The following FSTL5 variants were observed in gnomAD, a reference collection of about 807,000 sequenced individuals.
FSTL5 encodes follistatin like 5.
Under a neutral mutation model 89.1 loss-of-function variants are expected in FSTL5, and 62 were observed. The observed-to-expected ratio is 0.70, with a 90% CI of 0.57 to 0.86. FSTL5 has a LOEUF of 0.86. Among genes scored for constraint, FSTL5 ranks in the 40% least tolerant of loss-of-function variants. FSTL5 has a pLI of 0.00. For synonymous variants in FSTL5, 383 were observed against 346.2 expected (o/e 1.11, Z -1.18); for missense variants, 1,057 against 1,001.6 (o/e 1.06, Z -0.75).
rs566494612 is a variant in FSTL5, at chr4:161,500,520, A to G, written c.1340-386T>C. On this transcript the variant is annotated intron_variant, in intron 11 of 15. Transcript: ENST00000306100. ...TCAAATTTGTTTTACTACTTTTATT[A>G]GAGTTCACTAGGAAAAGTTTAATTT... is the stretch of plus-strand genomic sequence containing the variant. Among the ~76,000 whole-genome samples the G allele has an allele frequency of 2.0e-5, 3 of 152,314 alleles. No homozygotes were observed. In the East Asian group the frequency reaches 5.8e-4, roughly 29 times the overall value.
chr4:161,725,869 CATTACTTTTAACGACAAAAGGTTTTTGCT>C (rs1739381557), intron 6 of FSTL5, among the ~76,000 whole-genome samples: 1 of 152,152 alleles, frequency 6.6e-6, no homozygotes, highest in South Asian at 2.1e-4. Flanking sequence ...CGGTTTTTGC[CATTACTTTTAACGACAAAAGGTTTTTGCT>C]ATTACTTTTA....
intron 6 of FSTL5, among the ~76,000 whole-genome samples, chr4:161,736,793 G>A (rs1739832011): frequency 6.6e-6 from 1 of 152,190 alleles, no homozygotes; most frequent in South Asian, 2.1e-4. Flanking sequence ...ACTTGCAGAA[G>A]ATGTCTGTGG....
chr4:161,658,330 A>G (rs1736591178), intron 6 of FSTL5, among the ~76,000 whole-genome samples: 2 of 151,996 alleles, frequency 1.3e-5, no homozygotes, highest in African/African-American at 2.4e-5. Flanking sequence ...ATTGTGGCTC[A>G]CGCCTGTAGT....
chr4:161,785,327 G>A (rs147748213), intron 4 of FSTL5, among the ~76,000 whole-genome samples: 9 of 152,258 alleles, frequency 5.9e-5, no homozygotes, highest in South Asian at 2.1e-4. Flanking sequence ...AGGACAGCCT[G>A]CCTACATGTA....
intron 6 of FSTL5, among the ~76,000 whole-genome samples, chr4:161,692,931 CCAGGAAGGTCT>C (rs1391265003): frequency 6.6e-6 from 1 of 152,042 alleles, no homozygotes; most frequent in Non-Finnish European, 1.5e-5. Context: ...ACCATGCTGG[CCAGGAAGGTCT>C]CAATCTCCTG....
At chr4:161,986,925 A>G (rs1735979171) in intron 3 of FSTL5, among the ~76,000 whole-genome samples, 1 of 152,152 alleles carries the variant, frequency 6.6e-6, no homozygotes, top group South Asian at 2.1e-4. Flanking sequence ...AACCTTGAAA[A>G]CTAAATCCTA....
At chr4:161,438,703 A>AC (rs1305348387) in intron 15 of FSTL5, among the ~76,000 whole-genome samples, 1 of 152,212 alleles carries the variant, frequency 6.6e-6, no homozygotes, top group Admixed American at 6.5e-5. Context: ...ATTCAAAATT[A>AC]AAATTAAATT....
intron 10 of FSTL5, among the ~76,000 whole-genome samples, chr4:161,519,456 G>A (rs1730948481): frequency 6.6e-6 from 1 of 152,150 alleles, no homozygotes; most frequent in Admixed American, 6.5e-5. Flanking sequence ...AACCCGGGAG[G>A]TGGAGCTTGC....
intron 7 of FSTL5, among the ~76,000 whole-genome samples, chr4:161,652,683 A>G (rs190284277): frequency 6.6e-6 from 1 of 152,252 alleles, no homozygotes; most frequent in Admixed American, 6.5e-5. Context: ...AAATATAAAA[A>G]TGAGGGGATA....
chr4:161,606,828 C>T (rs1024477316), intron 7 of FSTL5, among the ~76,000 whole-genome samples: 1 of 151,968 alleles, frequency 6.6e-6, no homozygotes, highest in African/African-American at 2.4e-5. Context: ...AATTGCATTA[C>T]AAGCAAAATA....
At chr4:161,514,335 C>T (rs547825760) in intron 10 of FSTL5, among the ~76,000 whole-genome samples, 1 of 151,984 alleles carries the variant, frequency 6.6e-6, no homozygotes, top group African/African-American at 2.4e-5. Flanking sequence ...ATGGATGGAA[C>T]CACAGGCCAG....
Position 161,800,479 on chromosome 4 carries a change from TAA to T in FSTL5, c.410-24407_410-24406del, listed in dbSNP as rs530202073. ...TTCATATAGTCTAAATTTAATTTTTTAAAGAGTCTTTGAAAAGAGAAAATCTT... is the reference window on the plus strand; with the variant it reads ...TTCATATAGTCTAAATTTAATTTTTTAGAGTCTTTGAAAAGAGAAAATCTT... On this transcript the variant is annotated intron_variant, in intron 4 of 15. Transcript: ENST00000306100. Among the ~76,000 whole-genome samples, 657 of 151,778 alleles carry T rather than the reference TAA, an allele frequency of 4.3e-3. 3 individuals are homozygous for T. The highest frequency in any genetic ancestry group is 0.015 in the African/African-American group (624 of 41,520).
At chr4:162,162,003 T>C (rs183724706) in intron 1 of FSTL5, among the ~76,000 whole-genome samples, 33 of 152,218 alleles carry the variant, frequency 2.2e-4, no homozygotes, top group Non-Finnish European at 3.2e-4. Context: ...AAAATTTGTA[T>C]GAATATTTAA....
At chr4:161,970,479 A>G (rs1013907805) in intron 3 of FSTL5, among the ~76,000 whole-genome samples, 1 of 152,128 alleles carries the variant, frequency 6.6e-6, no homozygotes, top group Admixed American at 6.6e-5. Flanking sequence ...AAGTGTCATT[A>G]GGGCATACTA....
intron 1 of FSTL5, among the ~76,000 whole-genome samples, chr4:162,123,831 A>C (rs1393143661): frequency 6.6e-6 from 1 of 151,948 alleles, no homozygotes; most frequent in Non-Finnish European, 1.5e-5. Flanking sequence ...AACAGGTAAA[A>C]GATTTTTTTT....
intron 6 of FSTL5, among the ~76,000 whole-genome samples, chr4:161,661,461 A>G (rs1191479909): frequency 6.6e-6 from 1 of 152,116 alleles, no homozygotes; most frequent in African/African-American, 2.4e-5. Flanking sequence ...AGATAGTAAT[A>G]CAATATTAAG....
rs529647557 is a variant in FSTL5 at position 161,807,479 on chromosome 4, A to AT, written c.410-31406dup. 6.5e-4 allele frequency among the ~76,000 whole-genome samples: 99 copies of AT among 151,962 alleles called. 1 individual carries two copies. The South Asian group carries it at 0.016, about 24-fold the overall frequency. The stretch of plus-strand genomic sequence containing the variant: ...TCAAGTTGTGGCTGAAATTATGATG[A>AT]TTTTTTTTGCAGTATTTGTAATACT... On this transcript the variant is annotated intron_variant, in intron 4 of 15. Transcript: ENST00000306100.
intron 7 of FSTL5, among the ~76,000 whole-genome samples, chr4:161,612,941 T>G (rs981546151): frequency 2.7e-5 from 1 of 37,488 alleles, no homozygotes; most frequent in South Asian, 8.9e-4. Flanking sequence ...ATTAGTGCTC[T>G]TTTTTTTTTA....
chr4:161,731,050 T>C (rs1739588903), intron 6 of FSTL5, among the ~76,000 whole-genome samples: 1 of 152,196 alleles, frequency 6.6e-6, no homozygotes, highest in Non-Finnish European at 1.5e-5. Flanking sequence ...TAGTTACCAG[T>C]CACTATCAAA....
Sources: gnomAD v4.1 joint callset for allele counts (sites outside exome capture counted in the v4.1 genomes callset) on GRCh38, gnomAD v4.1.1 for gene constraint, MANE v1.5 for transcripts, NCBI Gene and HGNC (gene_info 2026-07-23, HGNC 2026-07-21) for gene names.